Variants in SETBP1 observed in about 807,000 individuals in gnomAD.
The protein encoded by SETBP1 is SET binding protein 1.
SETBP1 carries 9 observed loss-of-function variants against 101.0 expected under a neutral mutation model. That is an observed-to-expected ratio of 0.09 (90% CI 0.05 to 0.16). SETBP1 has a LOEUF of 0.16. Among genes scored for constraint, SETBP1 ranks in the 10% least tolerant of loss-of-function variants. The pLI is 1.00. For synonymous variants in SETBP1, 818 were observed against 788.5 expected (o/e 1.04, Z -0.63); for missense variants, 1,858 against 2,033.8 (o/e 0.91, Z 1.66).
chr18:44,730,627 G>A (rs1052252970), intron 2 of SETBP1, among the ~76,000 whole-genome samples: 1 of 152,172 alleles, frequency 6.6e-6, no homozygotes, highest in African/African-American at 2.4e-5. Flanking sequence ...CATGCTCCCT[G>A]TTGTGCCTGT....
intron 5 of SETBP1, among the ~76,000 whole-genome samples, chr18:45,053,194 CAG>C (rs2145560114): frequency 6.6e-6 from 1 of 152,064 alleles, no homozygotes; most frequent in Non-Finnish European, 1.5e-5. Flanking sequence ...GCCTTGAACA[CAG>C]AAAATAATCA....
chr18:44,720,903 C>G (rs540298826), intron 2 of SETBP1, among the ~76,000 whole-genome samples: 1 of 89,650 alleles, frequency 1.1e-5, no homozygotes, highest in Non-Finnish European at 2.4e-5. Flanking sequence ...GCCCTCCAAC[C>G]CCCACCCCCC....
chr18:44,838,570 T>C (rs1599200608), intron 2 of SETBP1, among the ~76,000 whole-genome samples: 1 of 152,276 alleles, frequency 6.6e-6, no homozygotes, highest in South Asian at 2.1e-4. Context: ...AGGTGACAAA[T>C]GCTTATGACA....
chr18:44,680,971 C>T lies in SETBP1; in HGVS notation c.-223C>T, dbSNP rs909427168. 6.6e-6 allele frequency: 1 copy of T among 151,902 alleles called. No homozygotes were observed. 9.4% of individuals were successfully genotyped at this position (151,902 alleles called of 1,614,324 possible). On this transcript the variant is annotated 5_prime_UTR_variant, in exon 1 of 6. In the 5' UTR this introduces an upstream ATG that the reference lacks. Transcript: ENST00000649279. ...GGGGGGGGAATGTATCAGAATCTAA[C>T]GTGTCGTTAATAGAAAGAAGAACAG...
At chr18:44,933,386 C>G (rs1483153491) in intron 3 of SETBP1, among the ~76,000 whole-genome samples, 2 of 152,246 alleles carry the variant, frequency 1.3e-5, no homozygotes, top group African/African-American at 4.8e-5. Flanking sequence ...CCCAGTTAGG[C>G]TACTCGGGGG....
At chr18:44,962,218 G>A (rs1021678570) in intron 4 of SETBP1, among the ~76,000 whole-genome samples, 3 of 152,216 alleles carry the variant, frequency 2.0e-5, no homozygotes, top group African/African-American at 7.2e-5. Flanking sequence ...ACAGTGTTCA[G>A]TGAAAGACAA....
chr18:44,997,809 A>C (rs1225474710), intron 4 of SETBP1, among the ~76,000 whole-genome samples: 1 of 152,212 alleles, frequency 6.6e-6, no homozygotes, highest in Non-Finnish European at 1.5e-5. Flanking sequence ...TAAGTATAAT[A>C]ATAAATGAAA....
At chr18:44,790,215 T>TA (rs1373528718) in intron 2 of SETBP1, among the ~76,000 whole-genome samples, 1 of 152,014 alleles carries the variant, frequency 6.6e-6, no homozygotes, top group African/African-American at 2.4e-5. Context: ...TGGCCCAACT[T>TA]AAAAAATAAC....
At chr18:45,027,108 T>C (rs2073181997) in intron 4 of SETBP1, among the ~76,000 whole-genome samples, 1 of 152,196 alleles carries the variant, frequency 6.6e-6, no homozygotes, top group South Asian at 2.1e-4. Flanking sequence ...GCATAACCTT[T>C]CCACTATAGA....
At chr18:44,921,696 G>A (rs898197582) in intron 3 of SETBP1, among the ~76,000 whole-genome samples, 2 of 152,154 alleles carry the variant, frequency 1.3e-5, no homozygotes, top group Non-Finnish European at 2.9e-5. Context: ...GTCCAGGAGG[G>A]AGGGCAGCAG....
chr18:44,967,259 A>G (rs1278858928), intron 4 of SETBP1, among the ~76,000 whole-genome samples: 3 of 152,214 alleles, frequency 2.0e-5, no homozygotes, highest in African/African-American at 7.2e-5. Flanking sequence ...CTGAGTAGGC[A>G]TTATCCGTAG....
chr18:44,978,996 G>A (rs919736368), intron 4 of SETBP1, among the ~76,000 whole-genome samples: 3 of 152,316 alleles, frequency 2.0e-5, no homozygotes, highest in African/African-American at 4.8e-5. Context: ...CCCAGAATTC[G>A]AACTCAAATC....
intron 3 of SETBP1, among the ~76,000 whole-genome samples, chr18:44,936,506 A>T (rs1001049046): frequency 1.3e-5 from 2 of 152,154 alleles, no homozygotes; most frequent in Non-Finnish European, 2.9e-5. Context: ...TTTATTTGTA[A>T]GTCACATAAT....
chr18:44,913,655 C>T (rs1177520002), intron 3 of SETBP1, among the ~76,000 whole-genome samples: 1 of 152,216 alleles, frequency 6.6e-6, no homozygotes, highest in Non-Finnish European at 1.5e-5. Context: ...CTCACACTGG[C>T]TACCATTACC....
intron 4 of SETBP1, chr18:44,970,284 C>A (rs966443817): frequency 1.9e-5 from 3 of 154,576 alleles, no homozygotes; most frequent in South Asian, 2.0e-4. Flanking sequence ...ATTTAAACAA[C>A]CTCTGCCTGT....
At chr18:44,992,232 G>A (rs576192352) in intron 4 of SETBP1, among the ~76,000 whole-genome samples, 6 of 152,140 alleles carry the variant, frequency 3.9e-5, no homozygotes, top group African/African-American at 1.4e-4. Context: ...CTCAAAAAAA[G>A]TAGAAGAAAG....
intron 2 of SETBP1, among the ~76,000 whole-genome samples, chr18:44,758,941 G>A (rs1386303619): frequency 6.6e-6 from 1 of 152,184 alleles, no homozygotes; most frequent in Non-Finnish European, 1.5e-5. Context: ...CGTCTGCAGG[G>A]ACCACCACAG....
intron 4 of SETBP1, among the ~76,000 whole-genome samples, chr18:44,984,563 G>C (rs906694374): frequency 5.3e-5 from 8 of 152,132 alleles, no homozygotes; most frequent in Non-Finnish European, 1.2e-4. Context: ...CATGGCCTTG[G>C]GTTTGGGGAC....
At chr18:44,773,838 A>ATGTGTGTGTG (rs61649185) in intron 2 of SETBP1, among the ~76,000 whole-genome samples, 20,284 of 134,066 alleles carry the variant, frequency 0.15, 1,671 homozygotes, top group Non-Finnish European at 0.16. Flanking sequence ...CTCTCTGTTT[A>ATGTGTGTGTG]TGTGTGTGTG....
Sources: allele counts gnomAD v4.1 joint callset (sites outside exome capture counted in the v4.1 genomes callset), GRCh38; gene constraint gnomAD v4.1.1; transcripts MANE v1.5; gene names NCBI Gene and HGNC (gene_info 2026-07-23, HGNC 2026-07-21).